Variants in CAMSAP1 observed in about 807,000 individuals in gnomAD.
The protein encoded by CAMSAP1 is calmodulin regulated spectrin associated protein 1, also known as calmodulin-regulated spectrin-associated protein 1.
In CAMSAP1, 58 loss-of-function variants were observed where a neutral mutation model predicts 143.5. That is an observed-to-expected ratio of 0.40 (90% CI 0.33 to 0.50). The LOEUF (loss-of-function observed/expected upper bound fraction) is 0.50. Among genes scored for constraint, CAMSAP1 ranks in the 20% least tolerant of loss-of-function variants. The pLI, the probability that CAMSAP1 is intolerant of heterozygous loss-of-function variation, is 0.45. For synonymous variants in CAMSAP1, 945 were observed against 859.3 expected (o/e 1.10, Z -1.74); for missense variants, 1,969 against 2,115.7 (o/e 0.93, Z 1.36).
intron 4 of CAMSAP1, chr9:135,865,381 A>AGAAG (rs777252352): frequency 8.1e-5 from 125 of 1,550,622 alleles, no homozygotes; most frequent in Non-Finnish European, 1.6e-5. Flanking sequence ...AGGAAGCGAG[A>AGAAG]GAAGGAAGGC....
rs1345850296 is a variant in CAMSAP1, at chr9:135,838,603, G to C, written c.1046-11019C>G. Among the ~76,000 whole-genome samples the C allele has an allele frequency of 1.1e-4, 12 of 109,176 alleles. No homozygotes were observed. In the South Asian group the frequency reaches 1.9e-3, roughly 18 times the overall value. 71.6% of individuals were successfully genotyped at this position (109,176 alleles called of 152,430 possible). A position where few individuals can be genotyped will look rare whatever the true frequency, so the allele number is the denominator to read the frequency against. On this transcript the variant is annotated intron_variant, in intron 7 of 16. Coordinates refer to ENST00000389532, the MANE Select transcript of CAMSAP1 (RefSeq NM_015447.4). Reference sequence around the variant, plus strand: ...ACACATCATCACGCACTTTCTACCCGTTCTACAGACACACATCATCACGCA... The same window carrying C: ...ACACATCATCACGCACTTTCTACCCCTTCTACAGACACACATCATCACGCA...
At chr9:135,825,324 G>A (rs1287339726) in intron 8 of CAMSAP1, among the ~76,000 whole-genome samples, 1 of 152,190 alleles carries the variant, frequency 6.6e-6, no homozygotes, top group East Asian at 1.9e-4. Context: ...CCACTGTGAA[G>A]ATATTGATGA....
At chr9:135,906,559 T>G (rs185633734) in intron 1 of CAMSAP1, among the ~76,000 whole-genome samples, 273 of 152,358 alleles carry the variant, frequency 1.8e-3, no homozygotes, top group Non-Finnish European at 2.5e-3. Flanking sequence ...GCTGACAGCT[T>G]GTAAGCATCA....
chr9:135,811,371 G>A lies in CAMSAP1; in HGVS notation c.4747C>T (p.His1583Tyr). The change falls in exon 17 of 17, where the codon CAC becomes TAC. Residue 1583 changes from histidine to tyrosine, a missense_variant. By Grantham distance (83) the His-to-Tyr change is moderately conservative. Around this residue, in one of 4 missense-constraint regions of CAMSAP1, gnomAD observed 143 missense variants for 200.6 expected, o/e 0.71. Transcript: ENST00000389532. This position sits in a 1 kb window ranked among gnomAD's most constrained non-coding sequence, Gnocchi z 4.9. ...MSVSVDALTIHNHLWQPKRPA... is the reference protein window; with the variant it reads ...MSVSVDALTIYNHLWQPKRPA... The stretch of plus-strand genomic sequence containing the variant: ...CGCTTGGGCTGCCACAGGTGGTTGT[G>A]GATTGTGAGTGCGTCCACACTGACA... 1 of 1,613,034 alleles carries A rather than the reference G, an allele frequency of 6.2e-7. No homozygotes were observed. The highest frequency in any genetic ancestry group is 8.5e-7 in the Non-Finnish European group (1 of 1,179,524).
At chr9:135,890,174 C>A (rs1838245807) in intron 1 of CAMSAP1, among the ~76,000 whole-genome samples, 1 of 152,028 alleles carries the variant, frequency 6.6e-6, no homozygotes, top group Non-Finnish European at 1.5e-5. Context: ...AACCCACACC[C>A]ATGGAGGCTC....
At chr9:135,853,854 G>A (rs1347975267) in intron 5 of CAMSAP1, among the ~76,000 whole-genome samples, 2 of 152,254 alleles carry the variant, frequency 1.3e-5, no homozygotes, top group Non-Finnish European at 2.9e-5. Flanking sequence ...AACAGCCTAT[G>A]AGGTCCAATC....
At chr9:135,839,688 T>G (rs1211778609) in intron 7 of CAMSAP1, among the ~76,000 whole-genome samples, 1 of 151,542 alleles carries the variant, frequency 6.6e-6, no homozygotes. Context: ...TAAGGCCGAG[T>G]GCACCCATAA....
rs1182299437 is a variant in CAMSAP1 at position 135,821,079 on chromosome 9, C to T, written c.3582G>A (p.Gln1194=). 1.2e-6 allele frequency: 2 copies of T among 1,614,006 alleles called. No homozygotes were observed. Among genetic ancestry groups the T allele is most frequent in the Admixed American group, 1.7e-5 (1 of 60,028 alleles). Reference sequence around the variant, plus strand: ...CATCCAGAACTTCTTTGAGGCTCATCTGCTCCGAAAGAATGTTGGCATCTT... The same window carrying T: ...CATCCAGAACTTCTTTGAGGCTCATTTGCTCCGAAAGAATGTTGGCATCTT... ...SSKDANILSE[Q]MSLKEVLDAS... is the part of the protein sequence containing the mutation. Residue 1194 remains glutamine (Q), a synonymous_variant, in exon 11 of 17, where the codon CAG becomes CAA. Transcript: ENST00000389532. The surrounding 1 kb of genome is among the most constrained non-coding windows in gnomAD (Gnocchi z 4.6).
At chr9:135,877,738 G>A (rs747330586) in intron 3 of CAMSAP1, among the ~76,000 whole-genome samples, 9 of 152,050 alleles carry the variant, frequency 5.9e-5, no homozygotes, top group Non-Finnish European at 1.3e-4. Flanking sequence ...CTTGAGCCTG[G>A]GAGGTCAGGC....
intron 7 of CAMSAP1, among the ~76,000 whole-genome samples, chr9:135,846,734 G>A (rs1200607435): frequency 6.8e-6 from 1 of 145,996 alleles, no homozygotes; most frequent in African/African-American, 2.5e-5. Flanking sequence ...TTGAATGGAC[G>A]CACTTCTCAA....
At chr9:135,860,284 G>GT (rs766047165) in intron 5 of CAMSAP1, among the ~76,000 whole-genome samples, 13 of 151,294 alleles carry the variant, frequency 8.6e-5, no homozygotes, top group South Asian at 2.1e-4. Context: ...CAGGGAGAAT[G>GT]TAAGAGATGA....
At chr9:135,892,304 G>T (rs1311812347) in intron 1 of CAMSAP1, among the ~76,000 whole-genome samples, 1 of 152,146 alleles carries the variant, frequency 6.6e-6, no homozygotes, top group Non-Finnish European at 1.5e-5. Flanking sequence ...CAGTTACCAT[G>T]CTTCAAACAA....
intron 7 of CAMSAP1, among the ~76,000 whole-genome samples, chr9:135,846,151 CA>C (rs1836541748): frequency 6.9e-6 from 1 of 145,912 alleles, no homozygotes. Context: ...CTATAGTAAC[CA>C]AAACAGCATG....
chr9:135,865,302 A>G (rs1266550603), intron 4 of CAMSAP1: 4 of 1,550,080 alleles, frequency 2.6e-6, no homozygotes, highest in Non-Finnish European at 3.5e-6. Context: ...GGCTCTGTAG[A>G]TGGCAGCTGG....
At chr9:135,833,587 G>C (rs1259374021) in intron 7 of CAMSAP1, among the ~76,000 whole-genome samples, 2 of 152,198 alleles carry the variant, frequency 1.3e-5, no homozygotes, top group Admixed American at 6.5e-5. Flanking sequence ...AATAAATGTT[G>C]TTGGGAAAAC....
intron 4 of CAMSAP1, among the ~76,000 whole-genome samples, chr9:135,865,977 G>A (rs1307225422): frequency 6.6e-6 from 1 of 152,204 alleles, no homozygotes; most frequent in Non-Finnish European, 1.5e-5. Flanking sequence ...AAGGCTAATG[G>A]CTGGAAGGTG....
At chr9:135,862,784 A>G (rs1308707906) in intron 4 of CAMSAP1, among the ~76,000 whole-genome samples, 176 bp from the exon 5 acceptor site, 9 of 152,174 alleles carry the variant, frequency 5.9e-5, no homozygotes, top group African/African-American at 1.9e-4. Context: ...TGCCTGGAAC[A>G]TATATGTCAA....
chr9:135,814,881 C>A (rs1450301984), intron 16 of CAMSAP1, among the ~76,000 whole-genome samples: 3 of 152,244 alleles, frequency 2.0e-5, no homozygotes, highest in Non-Finnish European at 4.4e-5. Context: ...CCTGCCCCGT[C>A]CTCCTGGGTG....
At chr9:135,867,451 C>T (rs1335096664) in intron 3 of CAMSAP1, among the ~76,000 whole-genome samples, 1 of 150,654 alleles carries the variant, frequency 6.6e-6, no homozygotes, top group Non-Finnish European at 1.5e-5. Context: ...CGCACGCCAG[C>T]CTAGGCAACA....
Sources: gnomAD v4.1 joint callset for allele counts (sites outside exome capture counted in the v4.1 genomes callset) on GRCh38, gnomAD v4.1.1 for gene constraint, gnomAD v4.1.1 regional missense constraint, Gnocchi (gnomAD v3.1) non-coding constraint, MANE v1.5 for transcripts, NCBI Gene and HGNC (gene_info 2026-07-23, HGNC 2026-07-21) for gene names.